The following KIAA1671 variants were observed in gnomAD, a reference collection of about 807,000 sequenced individuals.
KIAA1671 encodes the protein KIAA1671.
In KIAA1671, 52 loss-of-function variants were observed where a neutral mutation model predicts 131.2. The observed-to-expected ratio is 0.40, with a 90% confidence interval of 0.32 to 0.50. The LOEUF (loss-of-function observed/expected upper bound fraction) is 0.50. Among genes scored for constraint, KIAA1671 ranks in the 20% least tolerant of loss-of-function variants. KIAA1671 has a pLI of 0.73. For synonymous variants in KIAA1671, 1,003 were observed against 961.6 expected, an observed-to-expected ratio of 1.04 and a Z score of -0.80; for missense variants, 2,360 against 2,364.2, an observed-to-expected ratio of 1.00 and a Z score of 0.04.
intron 6 of KIAA1671, among the ~76,000 whole-genome samples, chr22:25,134,376 A>ATGTG (rs149493847): frequency 2.7e-5 from 4 of 150,430 alleles, no homozygotes; most frequent in Non-Finnish European, 3.0e-5. Context: ...TGGTATTGGT[A>ATGTG]TGTGTGTGTG....
chr22:25,135,489 T>C (rs780971346), intron 6 of KIAA1671, among the ~76,000 whole-genome samples: 6 of 152,132 alleles, frequency 3.9e-5, no homozygotes, highest in Admixed American at 3.3e-4. Flanking sequence ...CCCAGCTGAT[T>C]TTGGGATTTT....
intron 6 of KIAA1671, among the ~76,000 whole-genome samples, chr22:25,119,894 CA>C (rs1187930745): frequency 6.6e-6 from 1 of 152,072 alleles, no homozygotes; most frequent in Non-Finnish European, 1.5e-5. Context: ...AGAGGTGGGC[CA>C]GGGGCCAGGC....
rs199652052 is a variant in KIAA1671 at position 24,965,755 on chromosome 22, A to G, written c.-208+12983A>G. On this transcript the variant is annotated intron_variant, in intron 1 of 12. Coordinates refer to ENST00000358431, the MANE Select transcript of KIAA1671 (RefSeq NM_001145206.2). ...AACTCCATCTCAAAAAAAAAAAAAA[A>G]AAAAAAGAAAAGGATGAGCTTAAGG... 2.4e-4 allele frequency among the ~76,000 whole-genome samples: 36 copies of G among 151,864 alleles called. No individual in the cohort carries two copies. In the East Asian group the frequency reaches 6.2e-3, roughly 26 times the overall value.
intron 6 of KIAA1671, among the ~76,000 whole-genome samples, chr22:25,091,359 G>A (rs1241467873): frequency 6.6e-6 from 1 of 152,082 alleles, no homozygotes; most frequent in Non-Finnish European, 1.5e-5. Flanking sequence ...TACCTGGCCT[G>A]GTCCATTCTA....
At chr22:25,018,138 T>C (rs1207829658) in intron 1 of KIAA1671, among the ~76,000 whole-genome samples, 1 of 148,250 alleles carries the variant, frequency 6.7e-6, no homozygotes, top group East Asian at 2.0e-4. Context: ...ATAACCCCCC[T>C]GTCTGCCCCC....
chr22:25,074,126 C>T (rs909306036), intron 6 of KIAA1671, among the ~76,000 whole-genome samples: 7 of 151,924 alleles, frequency 4.6e-5, no homozygotes, highest in African/African-American at 9.7e-5. Flanking sequence ...GCAAATAACA[C>T]GATCTTCTAC....
chr22:25,141,571 TTATATC>T (rs999119989), intron 6 of KIAA1671, among the ~76,000 whole-genome samples: 38 of 152,148 alleles, frequency 2.5e-4, no homozygotes, highest in Admixed American at 2.5e-3. Flanking sequence ...ATATGTATCT[TTATATC>T]TAGATCTATA....
chr22:25,061,705 G>T (rs1326228888), intron 6 of KIAA1671: 1 of 152,304 alleles, frequency 6.6e-6, no homozygotes, highest in East Asian at 1.9e-4. Context: ...CAGGGCTGTA[G>T]TTGGGATTTG....
rs947633383 is a variant in KIAA1671, at chr22:24,991,669, G to A, written c.-207-33964G>A. 2.1e-5 allele frequency among the ~76,000 whole-genome samples: 3 copies of A among 140,372 alleles called. No homozygotes were observed. In the East Asian group the frequency reaches 6.3e-4, roughly 30 times the overall value. The allele number at this position is 140,372 out of a possible 152,430, so 92.1% of individuals were successfully genotyped here. Reference sequence around the variant, plus strand: ...GTAGAGACAGGGTTTTACCGTGTTAGCCAGGATGGTCACGATCTCCTGACC... The same window carrying A: ...GTAGAGACAGGGTTTTACCGTGTTAACCAGGATGGTCACGATCTCCTGACC... On this transcript the variant is annotated intron_variant, in intron 1 of 12. Coordinates refer to ENST00000358431, the MANE Select transcript of KIAA1671 (RefSeq NM_001145206.2).
intron 6 of KIAA1671, among the ~76,000 whole-genome samples, chr22:25,095,521 G>A (rs530011280): frequency 6.6e-6 from 1 of 152,094 alleles, no homozygotes; most frequent in South Asian, 2.1e-4. Flanking sequence ...CATGGTGGCG[G>A]GCACCTGTAG....
At position 25,192,841 on chromosome 22, in the gene KIAA1671, G is replaced by C. The variant is rs753790398; in HGVS notation, c.*440G>C. The C allele has an allele frequency of 2.6e-5, 4 of 152,112 alleles. No individual in the cohort carries two copies. Among genetic ancestry groups the C allele is most frequent in the Non-Finnish European group, 4.4e-5 (3 of 68,026 alleles). 9.4% of individuals were successfully genotyped at this position (152,112 alleles called of 1,614,324 possible). ...CCCCGGGGCAGGTCTTTTTTTGGAAGGACATTTCCAAGGAAGATCAAACTG... is the reference window on the plus strand; with the variant it reads ...CCCCGGGGCAGGTCTTTTTTTGGAACGACATTTCCAAGGAAGATCAAACTG... On this transcript the variant is annotated 3_prime_UTR_variant, in exon 13 of 13. Transcript: ENST00000358431.
chr22:25,076,497 G>A (rs920120865), intron 6 of KIAA1671, among the ~76,000 whole-genome samples: 17 of 152,094 alleles, frequency 1.1e-4, no homozygotes, highest in African/African-American at 3.9e-4. Flanking sequence ...TTCTCTTCTG[G>A]GGGGAGAAAC....
intron 6 of KIAA1671, among the ~76,000 whole-genome samples, chr22:25,168,314 C>T (rs1485326256): frequency 2.0e-5 from 3 of 152,172 alleles, no homozygotes; most frequent in Non-Finnish European, 2.9e-5. Flanking sequence ...CCCAGTTCCC[C>T]GGTGCCTAGC....
At chr22:25,075,497 C>T (rs568155951) in intron 6 of KIAA1671, among the ~76,000 whole-genome samples, 4 of 151,960 alleles carry the variant, frequency 2.6e-5, no homozygotes, top group African/African-American at 7.2e-5. Flanking sequence ...TGAATCAGTG[C>T]GCATCTTTTT....
At chr22:25,068,382 A>G (rs1321953175) in intron 6 of KIAA1671, among the ~76,000 whole-genome samples, 1 of 151,524 alleles carries the variant, frequency 6.6e-6, no homozygotes, top group Non-Finnish European at 1.5e-5. Context: ...CTTTGAAGCT[A>G]CCCCGTGGTT....
At chr22:25,055,692 C>G (rs1308711867) in intron 6 of KIAA1671, 1 of 149,866 alleles carries the variant, frequency 6.7e-6, no homozygotes, top group African/African-American at 2.4e-5. Context: ...ATCTTTTTGG[C>G]AGAAATGTCC....
chr22:25,018,039 C>A (rs1227753386), intron 1 of KIAA1671, among the ~76,000 whole-genome samples: 2 of 151,962 alleles, frequency 1.3e-5, no homozygotes, highest in Non-Finnish European at 2.9e-5. Context: ...CCTCCTCCTC[C>A]TCCTCTGCTT....
At chr22:24,985,681 C>G (rs539000852) in intron 1 of KIAA1671, among the ~76,000 whole-genome samples, 68 of 151,374 alleles carry the variant, frequency 4.5e-4, no homozygotes, top group Non-Finnish European at 8.2e-4. Flanking sequence ...GTCTCAGCGC[C>G]TTTTGAGGGA....
intron 1 of KIAA1671, among the ~76,000 whole-genome samples, chr22:24,995,095 G>GGCTGGAGT (rs2123852579): frequency 6.6e-6 from 1 of 151,110 alleles, no homozygotes; most frequent in East Asian, 2.0e-4. Context: ...CTCTCACCCA[G>GGCTGGAGT]GCTGGAGTGC....
Sources: gnomAD v4.1 joint callset for allele counts (sites outside exome capture counted in the v4.1 genomes callset) on GRCh38, gnomAD v4.1.1 for gene constraint, MANE v1.5 for transcripts, NCBI Gene and HGNC (gene_info 2026-07-23, HGNC 2026-07-21) for gene names.